Variants in VIPR2 observed in about 807,000 individuals in gnomAD.
VIPR2 encodes vasoactive intestinal polypeptide receptor 2.
Under a neutral mutation model 58.0 loss-of-function variants are expected in VIPR2, and 48 were observed. The observed-to-expected ratio is 0.83, with a 90% CI of 0.66 to 1.05. The LOEUF is 1.05. VIPR2 is among the 50% of genes least tolerant of loss of function. The pLI, the probability that VIPR2 is intolerant of heterozygous loss-of-function variation, is 0.00. For synonymous variants in VIPR2, 243 were observed against 235.2 expected (o/e 1.03, Z -0.30); for missense variants, 534 against 558.0 (o/e 0.96, Z 0.43).
chr7:159,030,629 G>T lies in VIPR2; in HGVS notation c.1304C>A (p.Thr435Asn). The part of the protein sequence containing the change: ...SRAQSFLQTE[T>N]SVI ...GCAGGGGTGGGGCTAGATGACCGAG[G>T]TCTCCGTTTGCAGGAAGGACTGGGC... The change falls in exon 13 of 13, where the codon ACC (threonine) becomes AAC (asparagine). Residue 435 changes from threonine (T) to asparagine (N), a missense_variant. This residue lies in a region of VIPR2 where 306 missense variants were observed against 285.8 expected (regional missense o/e 1.07). Transcript: ENST00000262178. 5 of 1,548,584 alleles carry T rather than the reference G, an allele frequency of 3.2e-6. No homozygotes were observed. Among genetic ancestry groups the T allele is most frequent in the Non-Finnish European group, 4.4e-6 (5 of 1,147,062 alleles).
At chr7:159,075,837 G>A (rs1856611907) in intron 4 of VIPR2, among the ~76,000 whole-genome samples, 1 of 151,994 alleles carries the variant, frequency 6.6e-6, no homozygotes, top group African/African-American at 2.4e-5. Flanking sequence ...GCATCAGTGA[G>A]TAGCCCAGGG....
chr7:159,140,519 C>T (rs1797421623), intron 2 of VIPR2, among the ~76,000 whole-genome samples: 2 of 152,216 alleles, frequency 1.3e-5, no homozygotes, highest in Admixed American at 1.3e-4. Flanking sequence ...GTCTTGTTAC[C>T]AAGTACTTCG....
chr7:159,117,139 A>G (rs563527120), intron 2 of VIPR2: 18 of 598,462 alleles, frequency 3.0e-5, no homozygotes, highest in Middle Eastern at 3.7e-4. Context: ...GAGGAAACAC[A>G]CTCTGACCAC....
Position 159,098,985 on chromosome 7 carries a change from C to G in VIPR2, c.357+4772G>C, listed in dbSNP as rs997270617. ...AGAGCCGGCCCAGGACCGTGCATGT[C>G]CACCCCGTGGCTGCCTGGGGCCTGT... On this transcript the variant is annotated intron_variant, in intron 4 of 12. Transcript: ENST00000262178. This position sits in a 1 kb window ranked among gnomAD's most constrained non-coding sequence, Gnocchi z 5.2. Among the ~76,000 whole-genome samples, 1 of 152,196 alleles carries G rather than the reference C, an allele frequency of 6.6e-6. No homozygotes were observed. Among genetic ancestry groups the G allele is most frequent in the African/African-American group, 2.4e-5 (1 of 41,454 alleles).
At chr7:159,067,496 C>T (rs1031739601) in intron 4 of VIPR2, among the ~76,000 whole-genome samples, 1 of 152,238 alleles carries the variant, frequency 6.6e-6, no homozygotes, top group African/African-American at 2.4e-5. Flanking sequence ...CTGGAAGCTA[C>T]ACTCATCCCA....
At chr7:159,091,089 C>T (rs557040155) in intron 4 of VIPR2, among the ~76,000 whole-genome samples, 10 of 152,264 alleles carry the variant, frequency 6.6e-5, no homozygotes, top group Non-Finnish European at 1.2e-4. Context: ...GCTGTGATCA[C>T]ACACAGAGGC....
Position 159,029,339 on chromosome 7 carries a change from T to C in VIPR2, c.*1277A>G, listed in dbSNP as rs1263076024. The C allele has an allele frequency of 2.0e-5, 3 of 152,216 alleles. No homozygotes were observed. The highest frequency in any genetic ancestry group is 7.2e-5 in the African/African-American group (3 of 41,434). 9.4% of individuals were successfully genotyped at this position (152,216 alleles called of 1,614,324 possible). A position where few individuals can be genotyped will look rare whatever the true frequency, so the allele number is the denominator to read the frequency against. On this transcript the variant is annotated 3_prime_UTR_variant, in exon 13 of 13. Coordinates refer to ENST00000262178, the MANE Select transcript of VIPR2 (RefSeq NM_003382.5). ...GGGCTTGGCACACACATGGAGACTG[T>C]GCCCTGATATCCCCACCCTTCTGCA... is the stretch of plus-strand genomic sequence containing the variant.
chr7:159,083,700 A>G (rs148146832), intron 4 of VIPR2, among the ~76,000 whole-genome samples: 197 of 152,328 alleles, frequency 1.3e-3, no homozygotes, highest in African/African-American at 4.6e-3. Context: ...GTTTACTGTC[A>G]GTCCATTCAT....
Position 159,034,571 on chromosome 7 carries a change from G to A in VIPR2, c.879+10C>T, listed in dbSNP as rs564720397. 1.2e-6 allele frequency: 2 copies of A among 1,611,478 alleles called. No homozygotes were observed. The highest frequency in any genetic ancestry group is 1.3e-5 in the African/African-American group (1 of 74,852). On this transcript the variant is annotated intron_variant, in intron 9 of 12. Coordinates refer to ENST00000262178, the MANE Select transcript of VIPR2 (RefSeq NM_003382.5). ...CACAGATAATCCACATGTCAACAGG[G>A]ACTACTTACGATGATGGAAATTAAA...
At position 159,095,816 on chromosome 7, in the gene VIPR2, CT is replaced by C. The variant is rs3838701; in HGVS notation, c.357+7940del. The stretch of plus-strand genomic sequence containing the variant: ...ATCCCTTCAAAACTCTTCCTTCTCT[CT>C]TTTTTTTTTAAGTCTTTAACAGACC... On this transcript the variant is annotated intron_variant, in intron 4 of 12. Transcript: ENST00000262178. This position sits in a 1 kb window ranked among gnomAD's most constrained non-coding sequence, Gnocchi z 5.2. 0.35 allele frequency among the ~76,000 whole-genome samples: 52,327 copies of C among 150,390 alleles called. 10,688 individuals are homozygous for C. Among genetic ancestry groups the C allele is most frequent in the African/African-American group, 0.58 (23,987 of 41,094 alleles).
rs1478056741 is a variant in VIPR2 at position 159,034,272 on chromosome 7, T to C, written c.912A>G (p.Arg304=). ...VNFVLFISII[R]ILLQKLTSPD... ...GGGATGTTAACTTCTGCAGCAAAAT[T>C]CGTATAATACTAATGAAAAGGACAA... The change falls in exon 10 of 13, where the codon CGA becomes CGG. Residue 304 remains arginine, a synonymous_variant. Transcript: ENST00000262178. 1.2e-6 allele frequency: 2 copies of C among 1,613,926 alleles called. No homozygotes were observed. The highest frequency in any genetic ancestry group is 2.7e-5 in the African/African-American group (2 of 74,932).
At chr7:159,085,172 G>A (rs139055511) in intron 4 of VIPR2, among the ~76,000 whole-genome samples, 415 of 152,326 alleles carry the variant, frequency 2.7e-3, no homozygotes, top group Non-Finnish European at 3.5e-3. Flanking sequence ...CAGGACCATC[G>A]TCATGATGGT....
In VIPR2 at chr7:159,099,021, G is replaced by A. The variant is rs1363372219; in HGVS notation, c.357+4736C>T. ...CTGCCTGGGGCCTGTTCTGGTGCTT[G>A]CAGCCTCCAGAGCCGCCTGTGCTAT... On this transcript the variant is annotated intron_variant, in intron 4 of 12. Coordinates refer to ENST00000262178, the MANE Select transcript of VIPR2 (RefSeq NM_003382.5). The surrounding 1 kb of genome is among the most constrained non-coding windows in gnomAD (Gnocchi z 4.2). Among the ~76,000 whole-genome samples, 2 of 152,226 alleles carry A rather than the reference G, an allele frequency of 1.3e-5. No individual in the cohort carries two copies. Among genetic ancestry groups the A allele is most frequent in the Admixed American group, 1.3e-4 (2 of 15,282 alleles).
chr7:159,096,344 C>T lies in VIPR2; in HGVS notation c.357+7413G>A, dbSNP rs141198259. Among the ~76,000 whole-genome samples, 69 of 152,360 alleles carry T rather than the reference C, an allele frequency of 4.5e-4. No individual in the cohort carries two copies. In the East Asian group the frequency reaches 9.3e-3, roughly 20 times the overall value. On this transcript the variant is annotated intron_variant, in intron 4 of 12. Transcript: ENST00000262178. This position sits in a 1 kb window ranked among gnomAD's most constrained non-coding sequence, Gnocchi z 5.5. Reference sequence around the variant, plus strand: ...GCACGTACCTCCCCTCCTCCGGCATCGGCCAGCTCCATGCCCAGAAGCGCC... The same window carrying T: ...GCACGTACCTCCCCTCCTCCGGCATTGGCCAGCTCCATGCCCAGAAGCGCC...
chr7:159,059,290 G>C, intron 4 of VIPR2: 1 of 471,240 alleles, frequency 2.1e-6, no homozygotes, highest in Non-Finnish European at 4.4e-6. Flanking sequence ...ACACCTGCAG[G>C]GCATCATCAT....
At chr7:159,044,251 A>G (rs918138307) in intron 5 of VIPR2, among the ~76,000 whole-genome samples, 9 of 152,154 alleles carry the variant, frequency 5.9e-5, no homozygotes, top group Non-Finnish European at 1.0e-4. Context: ...AAAAGTATAG[A>G]GTCTTCAGCG....
intron 2 of VIPR2, among the ~76,000 whole-genome samples, chr7:159,119,464 T>C (rs73169262): frequency 0.014 from 2,121 of 152,308 alleles, 29 homozygotes; most frequent in Middle Eastern, 0.02. Flanking sequence ...CCCCTGCACC[T>C]GTAGGAGCCC....
At chr7:159,106,193 C>T (rs771806383) in intron 3 of VIPR2, among the ~76,000 whole-genome samples, 23 of 152,246 alleles carry the variant, frequency 1.5e-4, no homozygotes, top group Non-Finnish European at 2.6e-4. Context: ...AGCCTTTTCT[C>T]CTTCCTACGG....
chr7:159,077,916 C>T (rs546912563), intron 4 of VIPR2, among the ~76,000 whole-genome samples: 2 of 152,342 alleles, frequency 1.3e-5, no homozygotes, highest in South Asian at 2.1e-4. Flanking sequence ...CTGTGACTTT[C>T]GAAATGAACA....
Sources: gnomAD v4.1 joint callset for allele counts (sites outside exome capture counted in the v4.1 genomes callset) on GRCh38, gnomAD v4.1.1 for gene constraint, gnomAD v4.1.1 regional missense constraint, Gnocchi (gnomAD v3.1) non-coding constraint, MANE v1.5 for transcripts, NCBI Gene and HGNC (gene_info 2026-07-23, HGNC 2026-07-21) for gene names.